The following ZKSCAN7 variants were observed in gnomAD, a reference collection of about 807,000 sequenced individuals.
The protein encoded by ZKSCAN7 is zinc finger protein with KRAB and SCAN domains 7.
In ZKSCAN7, 38 loss-of-function variants were observed where a neutral mutation model predicts 65.3. The observed-to-expected ratio is 0.58, with a 90% CI of 0.45 to 0.76. ZKSCAN7 has a LOEUF of 0.76. Among genes scored for constraint, ZKSCAN7 ranks in the 30% least tolerant of loss-of-function variants. The pLI is 0.00. For missense variants in ZKSCAN7, 815 were observed against 913.3 expected, an observed-to-expected ratio of 0.89 and a Z score of 1.39; for synonymous variants, 321 against 321.0, an observed-to-expected ratio of 1.00 and a Z score of 0.00.
chr3:44,570,236 G>A lies in ZKSCAN7; in HGVS notation c.1126G>A (p.Val376Ile), dbSNP rs1490198927. The A allele has an allele frequency of 1.2e-6, 2 of 1,614,248 alleles. No homozygotes were observed. The highest frequency in any genetic ancestry group is 1.7e-6 in the Non-Finnish European group (2 of 1,180,042). Residue 376 changes from valine (V) to isoleucine (I), a missense_variant, in exon 6 of 6, where the codon GTT (valine) becomes ATT (isoleucine). Physicochemically the swap from Val to Ile is conservative, Grantham distance 29. Around this residue, in one of 3 missense-constraint regions of ZKSCAN7, gnomAD observed 578 missense variants for 629.5 expected, o/e 0.92. Transcript: ENST00000426540. ...TTCCAGTCCTGTTGAACATGAAGGA[G>A]TTTTAAAGGGACAGAAATCCTATCG... ...LSSSPVEHEG[V>I]LKGQKSYRCD...
chr3:44,561,543 C>G (rs1699475839), intron 2 of ZKSCAN7, among the ~76,000 whole-genome samples: 1 of 152,206 alleles, frequency 6.6e-6, no homozygotes, highest in Non-Finnish European at 1.5e-5. Flanking sequence ...CTCAAAAGTT[C>G]ACAGTCCAAA....
chr3:44,573,831 A>G (rs562723628), downstream of ZKSCAN7, among the ~76,000 whole-genome samples: 8 of 152,254 alleles, frequency 5.3e-5, no homozygotes, highest in African/African-American at 1.4e-4. Context: ...GGAAACCTGC[A>G]CTATTCATAA....
At chr3:44,582,003 A>AT (rs1042159901) in intron 5 of ZKSCAN7, among the ~76,000 whole-genome samples, 1 of 152,204 alleles carries the variant, frequency 6.6e-6, no homozygotes, top group African/African-American at 2.4e-5. Context: ...TCAATTGTGA[A>AT]TACGCACATG....
chr3:44,571,593 C>T lies in ZKSCAN7; in HGVS notation c.*218C>T, dbSNP rs904533714. On this transcript the variant is annotated 3_prime_UTR_variant, in exon 6 of 6. Transcript: ENST00000426540. ...ACACATGTCATTGAATTGTAGGTTT[C>T]CTTTTTTTTTCTTTACTTTTAAATT... is the stretch of plus-strand genomic sequence containing the variant. 1.1e-5 allele frequency: 15 copies of T among 1,338,544 alleles called. No individual in the cohort carries two copies. Among genetic ancestry groups the T allele is most frequent in the South Asian group, 1.1e-4 (5 of 46,934 alleles). The allele number at this position is 1,338,544 out of a possible 1,614,324, so 82.9% of individuals were successfully genotyped here.
intron 5 of ZKSCAN7, chr3:44,580,079 C>G: frequency 6.2e-7 from 1 of 1,603,984 alleles, no homozygotes; most frequent in Non-Finnish European, 8.5e-7. Context: ...CTGCATTGGT[C>G]TCCATGTGCT....
At chr3:44,580,058 C>T (rs1412951622) in intron 5 of ZKSCAN7, 30 of 1,589,802 alleles carry the variant, frequency 1.9e-5, no homozygotes, top group African/African-American at 2.7e-5. Context: ...CACTGGATGG[C>T]GAGGGCCCCA....
chr3:44,568,519 A>G, intron 5 of ZKSCAN7, 86 bp downstream of exon 5: 5 of 1,533,974 alleles, frequency 3.3e-6, no homozygotes, highest in Non-Finnish European at 4.4e-6. Flanking sequence ...ACTTTTTACC[A>G]TGAAAATTTC....
chr3:44,578,909 C>T (rs1699988654), intron 5 of ZKSCAN7, among the ~76,000 whole-genome samples: 2 of 152,356 alleles, frequency 1.3e-5, no homozygotes, highest in South Asian at 4.1e-4. Flanking sequence ...CTGCTCCCGG[C>T]CCAGGGCCAC....
chr3:44,579,647 G>A (rs4682748), intron 5 of ZKSCAN7, among the ~76,000 whole-genome samples: 152,281 of 152,284 alleles, frequency 1, 76,139 homozygotes, highest in Middle Eastern at 1. Flanking sequence ...CATGGCCGAC[G>A]GGGTAAACTC....
In ZKSCAN7 at chr3:44,571,014, A is replaced by G. The variant is rs376393171; in HGVS notation, c.1904A>G (p.Tyr635Cys). The G allele has an allele frequency of 8.7e-5, 141 of 1,614,244 alleles. 2 individuals carry two copies. In the Middle Eastern group the frequency reaches 4.0e-3, roughly 45 times the overall value. ...HQRLHTGEKPYKCNECGKSFN... is the reference protein window; with the variant it reads ...HQRLHTGEKPCKCNECGKSFN... ...AGACTTCACACGGGTGAAAAGCCCT[A>G]TAAATGCAATGAGTGTGGAAAATCC... The change falls in exon 6 of 6, where the codon TAT (tyrosine) becomes TGT (cysteine). Residue 635 changes from tyrosine (Y) to cysteine (C), a missense_variant. This residue lies in a region of ZKSCAN7 where 578 missense variants were observed against 629.5 expected (regional missense o/e 0.92). Transcript: ENST00000426540.
chr3:44,557,614 T>G (rs1575354526), intron 2 of ZKSCAN7, 144 bp downstream of exon 2: 1 of 1,129,278 alleles, frequency 8.9e-7, no homozygotes, highest in African/African-American at 1.6e-5. Flanking sequence ...GGGAAAATAG[T>G]TTTGTGCTCC....
chr3:44,557,382 C>T lies in ZKSCAN7; in HGVS notation c.335C>T (p.Thr112Ile). 3 of 1,614,204 alleles carry T rather than the reference C, an allele frequency of 1.9e-6. No homozygotes were observed. Among genetic ancestry groups the T allele is most frequent in the Non-Finnish European group, 2.5e-6 (3 of 1,180,032 alleles). Residue 112 changes from threonine (T) to isoleucine (I), a missense_variant, in exon 2 of 6, where the codon ACC becomes ATC. Transcript: ENST00000426540. ...AGCATCCTCCCTGGGGAGCTCCGGA[C>T]CTGGGTGCAGCTGCATCACCCTGAG... ...FLSILPGELRTWVQLHHPESG... is the reference protein window; with the variant it reads ...FLSILPGELRIWVQLHHPESG...
At chr3:44,580,948 G>A in intron 5 of ZKSCAN7, 1 of 1,612,524 alleles carries the variant, frequency 6.2e-7, no homozygotes, top group Non-Finnish European at 8.5e-7. Flanking sequence ...TCGCGGGGCT[G>A]GAAGCAGTTC....
At chr3:44,557,814 T>C (rs1459793511) in intron 2 of ZKSCAN7, among the ~76,000 whole-genome samples, 6 of 152,158 alleles carry the variant, frequency 3.9e-5, no homozygotes, top group Non-Finnish European at 8.8e-5. Flanking sequence ...CGAGCCTTCA[T>C]TTGAGACATT....
downstream of ZKSCAN7, among the ~76,000 whole-genome samples, chr3:44,573,468 G>A (rs1295067880): frequency 2.6e-5 from 4 of 152,164 alleles, no homozygotes. Flanking sequence ...ACATATCTCA[G>A]GCAAGTTTAG....
At chr3:44,576,434 TC>T (rs1172070193), downstream of ZKSCAN7, among the ~76,000 whole-genome samples, 1 of 152,106 alleles carries the variant, frequency 6.6e-6, no homozygotes, top group African/African-American at 2.4e-5. Flanking sequence ...CATTTTGGTT[TC>T]CCTTCAGTTT....
intron 5 of ZKSCAN7, among the ~76,000 whole-genome samples, chr3:44,582,419 T>A (rs1349178891): frequency 1.8e-4 from 28 of 152,148 alleles, no homozygotes; most frequent in Non-Finnish European, 1.5e-5. Context: ...AATTACAATG[T>A]TTTTTCCCCT....
chr3:44,576,107 A>G (rs2125731484), downstream of ZKSCAN7, among the ~76,000 whole-genome samples: 1 of 151,968 alleles, frequency 6.6e-6, no homozygotes, highest in East Asian at 1.9e-4. Context: ...AGTTTTTTTC[A>G]GTGGTTTTGT....
chr3:44,571,476 C>T lies in ZKSCAN7; in HGVS notation c.*101C>T, dbSNP rs1559430321. 1.4e-5 allele frequency: 22 copies of T among 1,593,946 alleles called. No individual in the cohort carries two copies. Among genetic ancestry groups the T allele is most frequent in the East Asian group, 1.1e-4 (5 of 44,770 alleles). On this transcript the variant is annotated 3_prime_UTR_variant, in exon 6 of 6. Coordinates refer to ENST00000426540, the MANE Select transcript of ZKSCAN7 (RefSeq NM_001288590.2). ...TCCCGGAGCCAGTAGTCACGGTGGACCATTCCCTACTTGCTTTTCCTTGGA... is the reference window on the plus strand; with the variant it reads ...TCCCGGAGCCAGTAGTCACGGTGGATCATTCCCTACTTGCTTTTCCTTGGA...
Sources: gnomAD v4.1 joint callset for allele counts (sites outside exome capture counted in the v4.1 genomes callset) on GRCh38, gnomAD v4.1.1 for gene constraint, gnomAD v4.1.1 regional missense constraint, MANE v1.5 for transcripts, NCBI Gene and HGNC (gene_info 2026-07-23, HGNC 2026-07-21) for gene names.